Variants in ANTXR2 observed in about 807,000 individuals in gnomAD.
ANTXR2 encodes anthrax toxin receptor 2.
In ANTXR2, 44 loss-of-function variants were observed where a neutral mutation model predicts 73.7. The ratio of observed to expected loss-of-function variants is 0.60; its 90% CI spans 0.47 to 0.77. The LOEUF is 0.77. Among genes scored for constraint, ANTXR2 ranks in the 30% least tolerant of loss-of-function variants. The probability of loss-of-function intolerance (pLI) is 0.00; values close to 1 mark genes in which losing one functional copy is unlikely to be tolerated. For synonymous variants in ANTXR2, 217 were observed against 205.9 expected (o/e 1.05, Z -0.46); for missense variants, 604 against 592.5 (o/e 1.02, Z -0.20).
chr4:80,043,190 A>C (rs1348515425), intron 7 of ANTXR2, among the ~76,000 whole-genome samples: 2 of 152,090 alleles, frequency 1.3e-5, no homozygotes, highest in South Asian at 2.1e-4. Flanking sequence ...CTTGTACCCC[A>C]AAAATTTATA....
At chr4:79,982,444 T>C (rs1035187981) in intron 14 of ANTXR2, among the ~76,000 whole-genome samples, 1 of 152,116 alleles carries the variant, frequency 6.6e-6, no homozygotes, top group Non-Finnish European at 1.5e-5. Context: ...TTGTTACAGA[T>C]CGTATTTGGA....
At chr4:79,953,718 T>G (rs1356521187) in intron 16 of ANTXR2, among the ~76,000 whole-genome samples, 1 of 152,116 alleles carries the variant, frequency 6.6e-6, no homozygotes, top group South Asian at 2.1e-4. Flanking sequence ...GTAAAGTATA[T>G]AACTTTATAA....
intron 12 of ANTXR2, among the ~76,000 whole-genome samples, chr4:79,993,585 A>C (rs1730574777): frequency 1.3e-5 from 2 of 151,998 alleles, no homozygotes; most frequent in African/African-American, 4.8e-5. Flanking sequence ...ATTATGTTTG[A>C]ATTACTGCAA....
chr4:80,052,853 T>C (rs1317148718), intron 7 of ANTXR2, among the ~76,000 whole-genome samples: 1 of 151,596 alleles, frequency 6.6e-6, no homozygotes, highest in Non-Finnish European at 1.5e-5. Context: ...AAAACAATGA[T>C]AACGATGTCA....
At chr4:79,925,163 A>G (rs977244495) in intron 16 of ANTXR2, among the ~76,000 whole-genome samples, 1 of 152,162 alleles carries the variant, frequency 6.6e-6, no homozygotes, top group Non-Finnish European at 1.5e-5. Context: ...GGACAACTGT[A>G]TCAGCATTTT....
intron 2 of ANTXR2, among the ~76,000 whole-genome samples, chr4:80,070,891 A>G (rs1396916341): frequency 6.6e-6 from 1 of 152,198 alleles, no homozygotes; most frequent in Admixed American, 6.5e-5. Context: ...AAGGAAAAAA[A>G]AAGCCTCAAA....
chr4:80,025,332 A>G (rs1054709858), intron 10 of ANTXR2, among the ~76,000 whole-genome samples: 1 of 152,202 alleles, frequency 6.6e-6, no homozygotes, highest in Non-Finnish European at 1.5e-5. Context: ...AGCTATTCTG[A>G]TCTAAGAAAT....
At chr4:79,977,461 T>C in intron 16 of ANTXR2, 160 bp downstream of exon 16, 1 of 1,368,458 alleles carries the variant, frequency 7.3e-7, no homozygotes, top group East Asian at 2.7e-5. Flanking sequence ...TAACAATAGG[T>C]AATTTATAGA....
intron 10 of ANTXR2, among the ~76,000 whole-genome samples, chr4:80,030,863 T>C (rs1239525231): frequency 4.6e-5 from 7 of 152,044 alleles, no homozygotes. Flanking sequence ...GAAAACTGTA[T>C]CCTATTAACT....
intron 11 of ANTXR2, among the ~76,000 whole-genome samples, chr4:80,017,204 T>A (rs1329990276): frequency 1.3e-5 from 2 of 152,172 alleles, no homozygotes; most frequent in East Asian, 3.9e-4. Context: ...CCTGACTACT[T>A]CCATTCCAGC....
chr4:79,919,908 TATATATATATATAAAA>T (rs1253673849), intron 16 of ANTXR2, among the ~76,000 whole-genome samples: 11 of 17,580 alleles, frequency 6.3e-4, no homozygotes, highest in African/African-American at 2.7e-3. Context: ...TATATATATA[TATATATATATATAAAA>T]AATGATAGGG....
In ANTXR2 at chr4:80,012,982, C is replaced by T. The variant is rs113377039; in HGVS notation, c.946-4366G>A. Among the ~76,000 whole-genome samples, 27 of 152,312 alleles carry T rather than the reference C, an allele frequency of 1.8e-4. 1 individual carries two copies. Among genetic ancestry groups the T allele is most frequent in the African/African-American group, 6.3e-4 (26 of 41,568 alleles). ...CTAAATGAAGCCATAAAGGATTTAG[C>T]ACATATACAGCAGAGCTGAACACAG... On this transcript the variant is annotated intron_variant, in intron 11 of 16. Transcript: ENST00000403729.
At chr4:80,064,593 G>A (rs911789072) in intron 3 of ANTXR2, among the ~76,000 whole-genome samples, 4 of 152,326 alleles carry the variant, frequency 2.6e-5, no homozygotes, top group African/African-American at 9.6e-5. Context: ...ATATAGTATT[G>A]TAAGAGATTA....
chr4:79,910,704 TG>T (rs1727099203), intron 16 of ANTXR2, among the ~76,000 whole-genome samples: 1 of 151,956 alleles, frequency 6.6e-6, no homozygotes, highest in Non-Finnish European at 1.5e-5. Context: ...AGACCTCCAC[TG>T]GTGGTGGAGC....
chr4:80,027,422 C>A (rs768467422), intron 10 of ANTXR2, among the ~76,000 whole-genome samples: 8 of 152,074 alleles, frequency 5.3e-5, no homozygotes, highest in Non-Finnish European at 8.8e-5. Context: ...CTCAATTCTG[C>A]CACACTGTTC....
At chr4:80,049,709 TAGTC>T (rs1733688957) in intron 7 of ANTXR2, among the ~76,000 whole-genome samples, 1 of 151,734 alleles carries the variant, frequency 6.6e-6, no homozygotes, top group South Asian at 2.1e-4. Context: ...TCATTCATCT[TAGTC>T]AGGGACAGAA....
rs1726894964 is a variant in ANTXR2 at position 79,906,109 on chromosome 4, C to T, written c.*1320G>A. 1 of 152,600 alleles carries T rather than the reference C, an allele frequency of 6.6e-6. No homozygotes were observed. Among genetic ancestry groups the T allele is most frequent in the Non-Finnish European group, 1.5e-5 (1 of 68,046 alleles). 9.5% of individuals were successfully genotyped at this position (152,600 alleles called of 1,614,324 possible). On this transcript the variant is annotated 3_prime_UTR_variant, in exon 17 of 17. Coordinates refer to ENST00000403729, the MANE Select transcript of ANTXR2 (RefSeq NM_058172.6). ...TTTCTTCAGCTGCTGCCTTCCTCCCCCACGGTGTTTCTGCTCACGCTAACA... is the reference window on the plus strand; with the variant it reads ...TTTCTTCAGCTGCTGCCTTCCTCCCTCACGGTGTTTCTGCTCACGCTAACA...
chr4:79,946,554 T>TA (rs781426307), intron 16 of ANTXR2, among the ~76,000 whole-genome samples: 20 of 151,998 alleles, frequency 1.3e-4, no homozygotes, highest in Non-Finnish European at 2.5e-4. Context: ...GGGGCTGTAA[T>TA]CTTGGGTGGA....
chr4:80,036,157 A>G (rs1209512147), intron 7 of ANTXR2, 125 bp from the exon 8 acceptor site: 2 of 776,978 alleles, frequency 2.6e-6, no homozygotes, highest in African/African-American at 1.9e-5. Context: ...GAGAAAATCT[A>G]TTAACTATAG....
Sources: allele counts gnomAD v4.1 joint callset (sites outside exome capture counted in the v4.1 genomes callset), GRCh38; gene constraint gnomAD v4.1.1; transcripts MANE v1.5; gene names NCBI Gene and HGNC (gene_info 2026-07-23, HGNC 2026-07-21).